The following METTL25 variants were observed in gnomAD, a reference collection of about 807,000 sequenced individuals.
METTL25 encodes the protein methyltransferase like 25.
A neutral mutation model predicts 71.6 loss-of-function variants in METTL25; 64 were observed. That is an observed-to-expected ratio of 0.89 (90% CI 0.73 to 1.10). The LOEUF (loss-of-function observed/expected upper bound fraction) is 1.10. Ranked by LOEUF, METTL25 falls within the 50% of genes least tolerant of loss-of-function variation. The pLI, the probability that METTL25 is intolerant of heterozygous loss-of-function variation, is 0.00. For synonymous variants in METTL25, 287 were observed against 250.3 expected (o/e 1.15, Z -1.38); for missense variants, 807 against 707.0 (o/e 1.14, Z -1.60).
chr12:82,361,314 T>A lies in METTL25; in HGVS notation c.259+2490T>A, dbSNP rs145380641. ...ATCCCTTAGCTAGACATAAAGTTTA[T>A]CCAAGTCCCCACTAGACTCAGGAGC... On this transcript the variant is annotated intron_variant, in intron 1 of 11. Coordinates refer to ENST00000248306, the MANE Select transcript of METTL25 (RefSeq NM_032230.3). Among the ~76,000 whole-genome samples the A allele has an allele frequency of 8.5e-5, 13 of 152,322 alleles. No homozygotes were observed. In the East Asian group the frequency reaches 2.5e-3, roughly 30 times the overall value.
chr12:82,373,814 A>G (rs1305437743), intron 1 of METTL25, among the ~76,000 whole-genome samples: 2 of 152,188 alleles, frequency 1.3e-5, no homozygotes, highest in African/African-American at 4.8e-5. Flanking sequence ...GGGTTGTTAG[A>G]GAGCTCTTTC....
At chr12:82,467,900 C>T (rs1430331918) in intron 9 of METTL25, among the ~76,000 whole-genome samples, 1 of 152,020 alleles carries the variant, frequency 6.6e-6, no homozygotes, top group African/African-American at 2.4e-5. Context: ...CTTCTCTTTT[C>T]CTTCTGGAAT....
At chr12:82,444,530 A>G (rs1361964179) in intron 8 of METTL25, among the ~76,000 whole-genome samples, 1 of 152,190 alleles carries the variant, frequency 6.6e-6, no homozygotes, top group Non-Finnish European at 1.5e-5. Flanking sequence ...TAAATGTGAT[A>G]CGCCACGCAA....
In METTL25 at chr12:82,386,509, C is replaced by A. The variant is rs945710840; in HGVS notation, c.260-294C>A. Reference sequence around the variant, plus strand: ...TTCCTTCCTCCCTCCCTTCCTTCCTCCCTTTTCTCTCTCTCTGTCTCTGTC... The same window carrying A: ...TTCCTTCCTCCCTCCCTTCCTTCCTACCTTTTCTCTCTCTCTGTCTCTGTC... On this transcript the variant is annotated intron_variant, in intron 1 of 11. Coordinates refer to ENST00000248306, the MANE Select transcript of METTL25 (RefSeq NM_032230.3). 4.7e-5 allele frequency among the ~76,000 whole-genome samples: 7 copies of A among 148,958 alleles called. No homozygotes were observed. The East Asian group carries it at 1.0e-3, about 22-fold the overall frequency.
intron 2 of METTL25, among the ~76,000 whole-genome samples, chr12:82,388,354 C>G (rs551277703): frequency 6.6e-6 from 1 of 151,952 alleles, no homozygotes; most frequent in Non-Finnish European, 1.5e-5. Flanking sequence ...AAAATTATTT[C>G]ATAGTGTTCC....
intron 8 of METTL25, among the ~76,000 whole-genome samples, chr12:82,439,402 A>G (rs777585705): frequency 1.3e-5 from 2 of 151,830 alleles, no homozygotes; most frequent in Admixed American, 6.6e-5. Context: ...GGCATGCTTT[A>G]TGAATGTTCT....
intron 5 of METTL25, among the ~76,000 whole-genome samples, chr12:82,430,532 T>A (rs1400116888): frequency 2.0e-5 from 3 of 151,690 alleles, no homozygotes; most frequent in Non-Finnish European, 3.0e-5. Flanking sequence ...AAATCATTTT[T>A]AAAAAGTCAG....
chr12:82,379,053 T>C (rs1416158724), intron 1 of METTL25, among the ~76,000 whole-genome samples: 1 of 152,076 alleles, frequency 6.6e-6, no homozygotes, highest in Non-Finnish European at 1.5e-5. Context: ...ACAGCAACAA[T>C]AATAAACAAA....
intron 1 of METTL25, among the ~76,000 whole-genome samples, chr12:82,381,006 A>G (rs1884389447): frequency 6.6e-6 from 1 of 152,150 alleles, no homozygotes; most frequent in Non-Finnish European, 1.5e-5. Context: ...CATCCAATAG[A>G]ATTCTAACTG....
At chr12:82,465,462 AGT>A (rs1892168769) in intron 9 of METTL25, among the ~76,000 whole-genome samples, 1 of 151,784 alleles carries the variant, frequency 6.6e-6, no homozygotes, top group Non-Finnish European at 1.5e-5. Flanking sequence ...TCACTTTCAT[AGT>A]GTGTTATCTT....
intron 3 of METTL25, among the ~76,000 whole-genome samples, chr12:82,391,218 A>C (rs1403377064): frequency 6.6e-6 from 1 of 152,046 alleles, no homozygotes; most frequent in African/African-American, 2.4e-5. Context: ...CTGGACTTAG[A>C]TTTTATATAG....
intron 1 of METTL25, among the ~76,000 whole-genome samples, chr12:82,364,579 A>T (rs1882345387): frequency 6.6e-6 from 1 of 152,198 alleles, no homozygotes; most frequent in Admixed American, 6.5e-5. Context: ...TCTGTCTGTT[A>T]CATCTGGGGT....
chr12:82,470,117 T>C (rs1343723504), intron 9 of METTL25, among the ~76,000 whole-genome samples: 1 of 152,206 alleles, frequency 6.6e-6, no homozygotes, highest in Non-Finnish European at 1.5e-5. Context: ...CCACCAAAGC[T>C]GCTGAGAAGA....
chr12:82,394,048 T>C lies in METTL25; in HGVS notation c.531+4126T>C, dbSNP rs367583285. Among the ~76,000 whole-genome samples, 106 of 152,198 alleles carry C rather than the reference T, an allele frequency of 7.0e-4. 2 individuals are homozygous for C. In the South Asian group the frequency reaches 0.021, roughly 30 times the overall value. ...TTCATTCCCATGTGTTTTTATACTC[T>C]TCAGAGTTTCTCTTGTTATTGATAT... On this transcript the variant is annotated intron_variant, in intron 3 of 11. Coordinates refer to ENST00000248306, the MANE Select transcript of METTL25 (RefSeq NM_032230.3).
chr12:82,428,216 C>A (rs2717459), intron 5 of METTL25, among the ~76,000 whole-genome samples: 3 of 151,828 alleles, frequency 2.0e-5, no homozygotes, highest in Admixed American at 6.6e-5. Context: ...CCACAACCTA[C>A]TCATGTAGCT....
chr12:82,476,921 G>A (rs569453273), intron 10 of METTL25, among the ~76,000 whole-genome samples: 1 of 151,846 alleles, frequency 6.6e-6, no homozygotes, highest in South Asian at 2.1e-4. Flanking sequence ...TCTTAAAAAA[G>A]TATTATAAAT....
At position 82,403,143 on chromosome 12, in the gene METTL25, C is replaced by T. The variant is rs1886787542; in HGVS notation, c.1279+13C>T. ...AACCAGCATAAAGGTACAAGTTCCC[C>T]ATGTGTCATAATTTTTATTCATTTG... On this transcript the variant is annotated intron_variant, in intron 5 of 11. Coordinates refer to ENST00000248306, the MANE Select transcript of METTL25 (RefSeq NM_032230.3). 2 of 1,597,452 alleles carry T rather than the reference C, an allele frequency of 1.3e-6. No homozygotes were observed. Among genetic ancestry groups the T allele is most frequent in the Non-Finnish European group, 1.7e-6 (2 of 1,174,352 alleles).
At chr12:82,422,115 T>C (rs896795298) in intron 5 of METTL25, among the ~76,000 whole-genome samples, 2 of 152,116 alleles carry the variant, frequency 1.3e-5, no homozygotes, top group African/African-American at 4.8e-5. Flanking sequence ...TTTAGACCAA[T>C]ATCCGTGATG....
intron 8 of METTL25, among the ~76,000 whole-genome samples, chr12:82,443,024 A>G (rs985075039): frequency 1.3e-5 from 2 of 151,854 alleles, no homozygotes; most frequent in Admixed American, 6.6e-5. Flanking sequence ...AAAAAAAGCT[A>G]GAGAATAGAA....
Sources: allele counts gnomAD v4.1 joint callset (sites outside exome capture counted in the v4.1 genomes callset), GRCh38; gene constraint gnomAD v4.1.1; transcripts MANE v1.5; gene names NCBI Gene and HGNC (gene_info 2026-07-23, HGNC 2026-07-21).